The following KCNA6 variants were observed in gnomAD, a reference collection of about 807,000 sequenced individuals.
KCNA6 encodes potassium voltage-gated channel subfamily A member 6, also known as human brain potassium channel-2.
In KCNA6, 17 loss-of-function variants were observed where a neutral mutation model predicts 29.5. That is an observed-to-expected ratio of 0.58 (90% CI 0.39 to 0.86). The LOEUF is 0.86. Ranked by LOEUF, KCNA6 falls within the 40% of genes least tolerant of loss-of-function variation. The probability of loss-of-function intolerance (pLI) is 0.00; values close to 1 mark genes in which losing one functional copy is unlikely to be tolerated. For synonymous variants in KCNA6, 296 were observed against 304.7 expected (o/e 0.97, Z 0.30); for missense variants, 450 against 703.4 (o/e 0.64, Z 4.07).
chr12:4,826,881 G>T, the KCNA6 span, among the ~76,000 whole-genome samples: 1 of 152,184 alleles, frequency 6.6e-6, no homozygotes, highest in African/African-American at 2.4e-5. Flanking sequence ...ACAAAGATCA[G>T]AACTTACATT....
the KCNA6 span, among the ~76,000 whole-genome samples, chr12:4,822,733 G>T: frequency 6.6e-6 from 1 of 152,226 alleles, no homozygotes; most frequent in Non-Finnish European, 1.5e-5. Context: ...GGACTGAGTG[G>T]GCGTCAGAGT....
At chr12:4,833,550 C>T in the KCNA6 span, among the ~76,000 whole-genome samples, 3 of 152,194 alleles carry the variant, frequency 2.0e-5, no homozygotes, top group South Asian at 2.1e-4. Context: ...GGTCACATTG[C>T]CAAGGGCAGG....
At chr12:4,815,134 C>T (rs1369733515), downstream of KCNA6, among the ~76,000 whole-genome samples, 2 of 151,814 alleles carry the variant, frequency 1.3e-5, no homozygotes, top group African/African-American at 4.8e-5. Flanking sequence ...GTTCTTTTAC[C>T]ATCTTCTTCC....
chr12:4,818,793 G>A, the KCNA6 span, among the ~76,000 whole-genome samples: 1 of 151,990 alleles, frequency 6.6e-6, no homozygotes, highest in Non-Finnish European at 1.5e-5. Context: ...TGATGGAGCA[G>A]CAGCAGGTGT....
the KCNA6 span, among the ~76,000 whole-genome samples, chr12:4,824,289 T>G: frequency 2.0e-5 from 3 of 152,212 alleles, no homozygotes; most frequent in African/African-American, 7.2e-5. Context: ...TTAGATACAG[T>G]TAAAACCACT....
the KCNA6 span, among the ~76,000 whole-genome samples, chr12:4,829,075 C>T: frequency 1.3e-5 from 2 of 152,150 alleles, no homozygotes; most frequent in African/African-American, 4.8e-5. Context: ...GTGTGTGAAG[C>T]AAGAAAGCCT....
chr12:4,814,668 A>T (rs1204335585), downstream of KCNA6: 1 of 166,998 alleles, frequency 6.0e-6, no homozygotes, highest in Non-Finnish European at 1.5e-5. This position sits in a 1 kb window ranked among gnomAD's most constrained non-coding sequence, Gnocchi z 4.6. Flanking sequence ...ACTACACCTG[A>T]CTCAAGCCGG....
the KCNA6 span, among the ~76,000 whole-genome samples, chr12:4,823,782 TA>T: frequency 6.6e-6 from 1 of 152,018 alleles, no homozygotes; most frequent in African/African-American, 2.4e-5. Context: ...AATAAATAAA[TA>T]ATAAAATAAA....
At chr12:4,848,296 A>G in the KCNA6 span, among the ~76,000 whole-genome samples, 2 of 152,120 alleles carry the variant, frequency 1.3e-5, no homozygotes, top group African/African-American at 2.4e-5. Flanking sequence ...TCCTGGGGGT[A>G]AATCAGGTTG....
downstream of KCNA6, among the ~76,000 whole-genome samples, chr12:4,816,319 A>G (rs1204005657): frequency 6.6e-6 from 1 of 151,034 alleles, no homozygotes; most frequent in African/African-American, 2.4e-5. Flanking sequence ...TCGTTTTGAC[A>G]TCAAATTGTT....
chr12:4,827,194 T>TTCCC, the KCNA6 span, among the ~76,000 whole-genome samples: 1 of 54,838 alleles, frequency 1.8e-5, no homozygotes, highest in Non-Finnish European at 3.6e-5. Flanking sequence ...CCCTCCTTCC[T>TTCCC]TCCTTCCTTC....
exon 1 of KCNA6, chr12:4,809,433 C>A (rs1466637416): frequency 1.3e-5 from 2 of 151,738 alleles, no homozygotes; most frequent in Non-Finnish European, 2.9e-5. Context: ...CAGCCCCGGG[C>A]CCTCTGCGAG....
At chr12:4,836,105 A>ATTTTTTTTTT in the KCNA6 span, among the ~76,000 whole-genome samples, 1 of 137,298 alleles carries the variant, frequency 7.3e-6, no homozygotes, top group Non-Finnish European at 1.6e-5. Context: ...ATGCCTGGCT[A>ATTTTTTTTTT]TTTTTTTTTT....
the KCNA6 span, among the ~76,000 whole-genome samples, chr12:4,843,069 T>C: frequency 3.3e-5 from 5 of 152,168 alleles, no homozygotes; most frequent in Admixed American, 6.5e-5. Flanking sequence ...GGATGACTTC[T>C]AGGCATTAAT....
At chr12:4,845,999 T>TTTTTG in the KCNA6 span, among the ~76,000 whole-genome samples, 2 of 151,330 alleles carry the variant, frequency 1.3e-5, no homozygotes, top group African/African-American at 4.9e-5. Context: ...TTTTTTTTTT[T>TTTTTG]TGGAATATTT....
the KCNA6 span, among the ~76,000 whole-genome samples, chr12:4,848,468 G>A: frequency 2.7e-5 from 4 of 148,394 alleles, no homozygotes; most frequent in Admixed American, 6.8e-5. Context: ...TCTCTCCTCC[G>A]TAAAATTTTC....
At chr12:4,827,035 C>A in the KCNA6 span, among the ~76,000 whole-genome samples, 38 of 142,910 alleles carry the variant, frequency 2.7e-4, no homozygotes, top group Non-Finnish European at 4.9e-4. Flanking sequence ...CCTCTCCTCC[C>A]TCCTCCCTCT....
the KCNA6 span, among the ~76,000 whole-genome samples, chr12:4,833,928 TA>T: frequency 6.0e-5 from 5 of 83,038 alleles, no homozygotes; most frequent in East Asian, 6.0e-4. Context: ...TTTTTTAAAT[TA>T]AATTTTTTTT....
chr12:4,839,583 C>T, the KCNA6 span, among the ~76,000 whole-genome samples: 1 of 152,150 alleles, frequency 6.6e-6, no homozygotes, highest in Non-Finnish European at 1.5e-5. Flanking sequence ...GGGGTCGGCA[C>T]CCCTAATCCC....
Sources: allele counts gnomAD v4.1 joint callset (sites outside exome capture counted in the v4.1 genomes callset), GRCh38; gene constraint gnomAD v4.1.1; non-coding constraint Gnocchi (gnomAD v3.1); transcripts MANE v1.5; gene names NCBI Gene and HGNC (gene_info 2026-07-23, HGNC 2026-07-21).